CLPX: variants seen among roughly 807,000 people sequenced by gnomAD.
CLPX encodes the protein ATP-dependent clpX-like chaperone, mitochondrial.
CLPX carries 34 observed loss-of-function variants against 76.4 expected under a neutral mutation model. The ratio of observed to expected loss-of-function variants is 0.45; its 90% CI spans 0.34 to 0.59. The LOEUF is 0.59. CLPX is among the 20% of genes least tolerant of loss of function. CLPX has a pLI of 0.01. For missense variants in CLPX, 613 were observed against 757.0 expected (o/e 0.81, Z 2.23); for synonymous variants, 248 against 270.9 (o/e 0.92, Z 0.83).
Position 65,185,207 on chromosome 15 carries a change from G to A in CLPX, c.-54C>T. 1 of 1,447,390 alleles carries A rather than the reference G, an allele frequency of 6.9e-7. No homozygotes were observed. The highest frequency in any genetic ancestry group is 2.0e-5 in the Admixed American group (1 of 49,894). 89.7% of individuals were successfully genotyped at this position (1,447,390 alleles called of 1,614,324 possible). On this transcript the variant is annotated 5_prime_UTR_variant, in exon 1 of 14. Coordinates refer to ENST00000300107, the MANE Select transcript of CLPX (RefSeq NM_006660.5). Reference sequence around the variant, plus strand: ...CCCCTGAGGACCTCCGGGTCACAGCGGCGTGAATCCTGCCCGCAAGGCGCG... The same window carrying A: ...CCCCTGAGGACCTCCGGGTCACAGCAGCGTGAATCCTGCCCGCAAGGCGCG...
intron 3 of CLPX, among the ~76,000 whole-genome samples, chr15:65,176,884 C>T (rs1038597910): frequency 2.6e-5 from 4 of 151,482 alleles, no homozygotes; most frequent in East Asian, 1.9e-4. Context: ...TGTAAGCCAC[C>T]GCGCCTGGCA....
intron 12 of CLPX, among the ~76,000 whole-genome samples, chr15:65,153,031 G>C (rs1196431950): frequency 6.6e-6 from 1 of 151,802 alleles, no homozygotes; most frequent in African/African-American, 2.4e-5. Context: ...TTATAGGTGT[G>C]AGTTACCAGG....
At chr15:65,166,009 G>A (rs994562441) in intron 4 of CLPX, among the ~76,000 whole-genome samples, 1 of 152,050 alleles carries the variant, frequency 6.6e-6, no homozygotes, top group African/African-American at 2.4e-5. Context: ...AGGGTACAAG[G>A]GTTCCCAGTT....
intron 3 of CLPX, among the ~76,000 whole-genome samples, chr15:65,174,709 C>G (rs1478016812): frequency 6.6e-6 from 1 of 152,206 alleles, no homozygotes; most frequent in Non-Finnish European, 1.5e-5. Flanking sequence ...TCTAGGACCA[C>G]CCACATATAA....
At chr15:65,160,623 T>TCTCACACACACACACACA (rs1219208926) in intron 6 of CLPX, among the ~76,000 whole-genome samples, 4 of 100,970 alleles carry the variant, frequency 4.0e-5, no homozygotes, top group African/African-American at 1.5e-4. Context: ...TCTCTCTCTC[T>TCTCACACACACACACACA]CACACACACA....
intron 6 of CLPX, among the ~76,000 whole-genome samples, chr15:65,159,973 T>C (rs2087833178): frequency 6.6e-6 from 1 of 152,018 alleles, no homozygotes; most frequent in Admixed American, 6.6e-5. Flanking sequence ...CCACCACACC[T>C]GGCTAATTTT....
chr15:65,165,380 T>C (rs2087897524), intron 4 of CLPX, among the ~76,000 whole-genome samples: 1 of 135,272 alleles, frequency 7.4e-6, no homozygotes, highest in East Asian at 2.2e-4. Flanking sequence ...CCTGGATTTT[T>C]TTTTTTTTTT....
intron 3 of CLPX, among the ~76,000 whole-genome samples, chr15:65,175,837 C>T (rs972360453): frequency 6.6e-6 from 1 of 152,046 alleles, no homozygotes; most frequent in African/African-American, 2.4e-5. Flanking sequence ...CAGAAGGATT[C>T]AAAAGGATGC....
In CLPX at chr15:65,150,359, T is replaced by G. The variant is rs908361926; in HGVS notation, c.*464A>C. On this transcript the variant is annotated 3_prime_UTR_variant, in exon 14 of 14. Transcript: ENST00000300107. ...CAGGCGTGAGCCACCACGCCCGGCC[T>G]ACCTGGTCCAATTTTTAAGATGAAT... 6.6e-6 allele frequency: 1 copy of G among 152,658 alleles called. No individual in the cohort carries two copies. The highest frequency in any genetic ancestry group is 2.4e-5 in the African/African-American group (1 of 41,460). The allele number at this position is 152,658 out of a possible 1,614,324, so 9.5% of individuals were successfully genotyped here. A position where few individuals can be genotyped will look rare whatever the true frequency, so the allele number is the denominator to read the frequency against.
In CLPX at chr15:65,185,101, G is replaced by A. The variant is rs1221619943; in HGVS notation, c.53C>T (p.Thr18Ile). 1 of 1,585,202 alleles carries A rather than the reference G, an allele frequency of 6.3e-7. No individual in the cohort carries two copies. Among genetic ancestry groups the A allele is most frequent in the Non-Finnish European group, 8.6e-7 (1 of 1,166,772 alleles). The change falls in exon 1 of 14, where the codon ACC becomes ATC. Residue 18 changes from threonine to isoleucine, a missense_variant. Thr to Ile is a moderately conservative substitution (Grantham distance 89). Transcript: ENST00000300107. ...TCTCTGCGCGGAGGCGAGTGAGGAG[G>A]TGATGAGCCGGACGGCCGCCGCGCC... ...TCGAAAVRLITSSLASAQRGI... is the reference protein window; with the variant it reads ...TCGAAAVRLIISSLASAQRGI...
At chr15:65,173,115 A>T (rs2088034135) in intron 3 of CLPX, among the ~76,000 whole-genome samples, 1 of 152,158 alleles carries the variant, frequency 6.6e-6, no homozygotes, top group African/African-American at 2.4e-5. Context: ...CATGCCTGTA[A>T]TCCCAGCATT....
At chr15:65,173,387 A>G (rs965808923) in intron 3 of CLPX, among the ~76,000 whole-genome samples, 1 of 150,620 alleles carries the variant, frequency 6.6e-6, no homozygotes, top group Admixed American at 6.6e-5. Context: ...AAAAAAAAAA[A>G]GAAGACAGAC....
At chr15:65,169,215 A>G (rs1006668569) in intron 3 of CLPX, among the ~76,000 whole-genome samples, 2 of 151,404 alleles carry the variant, frequency 1.3e-5, no homozygotes, top group South Asian at 2.1e-4. Flanking sequence ...CGGCCTCCCA[A>G]AGTGCTGGGA....
At chr15:65,184,460 C>T (rs1361999111) in intron 1 of CLPX, 1 of 152,496 alleles carries the variant, frequency 6.6e-6, no homozygotes, top group East Asian at 1.9e-4. Context: ...TCTCTCCCGC[C>T]GCTGTCCTGC....
At chr15:65,158,542 A>T (rs2087817889) in intron 7 of CLPX, 33 bp downstream of exon 7, 2 of 1,547,568 alleles carry the variant, frequency 1.3e-6, no homozygotes, top group Non-Finnish European at 1.8e-6. Flanking sequence ...GATTTTTAAA[A>T]TGAGTAGTAA....
intron 3 of CLPX, among the ~76,000 whole-genome samples, chr15:65,168,628 T>G (rs2087953384): frequency 6.8e-6 from 1 of 146,948 alleles, no homozygotes; most frequent in African/African-American, 2.5e-5. Context: ...GGGATAGCAT[T>G]AGGAGATATA....
intron 3 of CLPX, among the ~76,000 whole-genome samples, chr15:65,173,123 A>T (rs1319446484): frequency 3.3e-5 from 5 of 152,144 alleles, no homozygotes; most frequent in African/African-American, 1.2e-4. Flanking sequence ...TAATCCCAGC[A>T]TTCTGGGAGC....
intron 6 of CLPX, among the ~76,000 whole-genome samples, chr15:65,160,623 T>TCTCTCTCTCTCACACACACACA (rs1219208926): frequency 1.1e-3 from 116 of 101,010 alleles, no homozygotes; most frequent in Admixed American, 2.5e-3. Flanking sequence ...TCTCTCTCTC[T>TCTCTCTCTCTCACACACACACA]CACACACACA....
rs374855351 is a variant in CLPX, at chr15:65,156,269, T to C, written c.1147-413A>G. Among the ~76,000 whole-genome samples the C allele has an allele frequency of 3.9e-5, 6 of 152,300 alleles. No homozygotes were observed. The East Asian group carries it at 9.6e-4, about 24-fold the overall frequency. Reference sequence around the variant, plus strand: ...CACTTACAGTATTAAACTTTGAGACTACCTATATTTGGAGATGCTTTTATA... The same window carrying C: ...CACTTACAGTATTAAACTTTGAGACCACCTATATTTGGAGATGCTTTTATA... On this transcript the variant is annotated intron_variant, in intron 9 of 13. Coordinates refer to ENST00000300107, the MANE Select transcript of CLPX (RefSeq NM_006660.5).
Sources: gnomAD v4.1 joint callset for allele counts (sites outside exome capture counted in the v4.1 genomes callset) on GRCh38, gnomAD v4.1.1 for gene constraint, MANE v1.5 for transcripts, NCBI Gene and HGNC (gene_info 2026-07-23, HGNC 2026-07-21) for gene names.